Variants in ANKEF1 observed in about 807,000 individuals in gnomAD.
ANKEF1 encodes the protein ankyrin repeat and EF-hand domain containing 1, also known as ankyrin repeat and EF-hand domain-containing protein 1.
In ANKEF1, 43 loss-of-function variants were observed where a neutral mutation model predicts 65.1. That is an observed-to-expected ratio of 0.66 (90% CI 0.52 to 0.85). The LOEUF (loss-of-function observed/expected upper bound fraction) is 0.85, where lower values mean the gene tolerates loss of function less well. Among genes scored for constraint, ANKEF1 ranks in the 40% least tolerant of loss-of-function variants. The probability of loss-of-function intolerance (pLI) is 0.00; values close to 1 mark genes in which losing one functional copy is unlikely to be tolerated. For synonymous variants in ANKEF1, 316 were observed against 341.5 expected (o/e 0.93, Z 0.82); for missense variants, 934 against 952.9 (o/e 0.98, Z 0.26).
chr20:10,055,165 G>T (rs754917619), intron 10 of ANKEF1, among the ~76,000 whole-genome samples: 2 of 152,150 alleles, frequency 1.3e-5, no homozygotes, highest in African/African-American at 4.8e-5. Flanking sequence ...AAACCTAGAT[G>T]ATCTTCTAAT....
At position 10,043,808 on chromosome 20, in the gene ANKEF1, G is replaced by A. The variant is rs1232353184; in HGVS notation, c.546+487G>A. Among the ~76,000 whole-genome samples the A allele has an allele frequency of 4.0e-5, 6 of 151,640 alleles. No homozygotes were observed. In the South Asian group the frequency reaches 6.3e-4, roughly 16 times the overall value. On this transcript the variant is annotated intron_variant, in intron 4 of 10. Coordinates refer to ENST00000378392, the MANE Select transcript of ANKEF1 (RefSeq NM_022096.6). ...CGAGTAGCTGGGATTACAGGTGCAT[G>A]CCACCATGCCCCGCTAATTATTTTT...
At position 10,055,929 on chromosome 20, in the gene ANKEF1, CT is replaced by C; in HGVS notation, c.*270del. On this transcript the variant is annotated 3_prime_UTR_variant, in exon 11 of 11. Coordinates refer to ENST00000378392, the MANE Select transcript of ANKEF1 (RefSeq NM_022096.6). ...CATGGCATGTGGGTTATAAACGTTG[CT>C]GTCAAAAGATTTACCAGGTCTACAC... The C allele has an allele frequency of 2.7e-6, 1 of 368,774 alleles. No individual in the cohort carries two copies. The allele number at this position is 368,774 out of a possible 1,614,324, so 22.8% of individuals were successfully genotyped here.
At chr20:10,043,877 G>T (rs966474866) in intron 4 of ANKEF1, among the ~76,000 whole-genome samples, 2 of 152,002 alleles carry the variant, frequency 1.3e-5, no homozygotes, top group South Asian at 4.2e-4. Context: ...TGGCCAGGCT[G>T]ATTTCGAATT....
chr20:10,045,558 A>C lies in ANKEF1; in HGVS notation c.697-16A>C, dbSNP rs1384077932. 1.2e-6 allele frequency: 2 copies of C among 1,612,018 alleles called. No homozygotes were observed. The highest frequency in any genetic ancestry group is 4.5e-5 in the East Asian group (2 of 44,822). On this transcript the variant is annotated splice_polypyrimidine_tract_variant and intron_variant, in intron 5 of 10. Transcript: ENST00000378392. ...ACATTCCTATTCCTCCACAATATCC[A>C]CTATTTATTTTACAGATATTGAAGC...
intron 3 of ANKEF1, among the ~76,000 whole-genome samples, chr20:10,041,129 A>G (rs1228433261): frequency 6.6e-6 from 1 of 151,710 alleles, no homozygotes; most frequent in African/African-American, 2.4e-5. Context: ...AACATCATTT[A>G]TTTTATATTG....
chr20:10,038,706 T>A, intron 3 of ANKEF1, 59 bp downstream of exon 3: 1 of 1,304,798 alleles, frequency 7.7e-7, no homozygotes. Flanking sequence ...CAGAAAGCAA[T>A]AACATGGACT....
intron 3 of ANKEF1, among the ~76,000 whole-genome samples, chr20:10,041,484 C>G (rs1301566714): frequency 6.6e-6 from 1 of 151,892 alleles, no homozygotes; most frequent in Non-Finnish European, 1.5e-5. Flanking sequence ...TTCCCTTCTA[C>G]CACTCAATTT....
chr20:10,051,627 C>A, intron 7 of ANKEF1, 36 bp from the exon 8 acceptor site: 3 of 1,513,246 alleles, frequency 2.0e-6, no homozygotes, highest in South Asian at 2.3e-5. Context: ...ATTGGAAAAC[C>A]GTATTTTTAG....
chr20:10,054,486 G>C lies in ANKEF1; in HGVS notation c.2059G>C (p.Val687Leu). 1 of 1,596,420 alleles carries C rather than the reference G, an allele frequency of 6.3e-7. No individual in the cohort carries two copies. The highest frequency in any genetic ancestry group is 8.5e-7 in the Non-Finnish European group (1 of 1,173,774). ...EEELLSSIYG[V>L]PTTSEGKKVQ... ...GGAACTGCTGTCATCAATTTATGGT[G>C]TACCAACCACATCAGAGGGAAAGAA... is the stretch of plus-strand genomic sequence containing the variant. The change falls in exon 10 of 11, where the codon GTA becomes CTA. Residue 687 changes from valine (V) to leucine (L), a missense_variant. Coordinates refer to ENST00000378392, the MANE Select transcript of ANKEF1 (RefSeq NM_022096.6).
At chr20:10,043,652 C>CTTTTTTTTTTTTT (rs374135080) in intron 4 of ANKEF1, among the ~76,000 whole-genome samples, 5 of 81,372 alleles carry the variant, frequency 6.1e-5, no homozygotes, top group Non-Finnish European at 8.9e-5. Context: ...TTTTCTTTTC[C>CTTTTTTTTTTTTT]TTTTTTTTTT....
chr20:10,055,738 A>G lies in ANKEF1; in HGVS notation c.*78A>G, dbSNP rs1985114473. 2 of 1,482,248 alleles carry G rather than the reference A, an allele frequency of 1.3e-6. No individual in the cohort carries two copies. Among genetic ancestry groups the G allele is most frequent in the Non-Finnish European group, 1.9e-6 (2 of 1,071,526 alleles). 91.8% of individuals were successfully genotyped at this position (1,482,248 alleles called of 1,614,324 possible). ...TTGGAGAAAGTAGATATTTCCATCA[A>G]AGCCAAAGCAATCCATACACCAAGA... On this transcript the variant is annotated 3_prime_UTR_variant, in exon 11 of 11. Transcript: ENST00000378392.
At position 10,055,782 on chromosome 20, in the gene ANKEF1, C is replaced by G; in HGVS notation, c.*122C>G. The G allele has an allele frequency of 4.1e-6, 4 of 979,196 alleles. No individual in the cohort carries two copies. The highest frequency in any genetic ancestry group is 3.3e-5 in the African/African-American group (2 of 61,382). The allele number at this position is 979,196 out of a possible 1,614,324, so 60.7% of individuals were successfully genotyped here. A position where few individuals can be genotyped will look rare whatever the true frequency, so the allele number is the denominator to read the frequency against. ...ACCAAGAACTTGTTACCAAGAATTT[C>G]TTTTTGCTTTAACAACTATAAATAT... is the stretch of plus-strand genomic sequence containing the variant. On this transcript the variant is annotated 3_prime_UTR_variant, in exon 11 of 11. Coordinates refer to ENST00000378392, the MANE Select transcript of ANKEF1 (RefSeq NM_022096.6).
chr20:10,049,680 A>T lies in ANKEF1; in HGVS notation c.1111A>T (p.Ser371Cys). 6.2e-7 allele frequency: 1 copy of T among 1,614,180 alleles called. No individual in the cohort carries two copies. The highest frequency in any genetic ancestry group is 1.3e-5 in the African/African-American group (1 of 75,046). The change falls in exon 7 of 11, where the codon AGC becomes TGC. Residue 371 changes from serine to cysteine, a missense_variant. Transcript: ENST00000378392. ...GTTGGAGGAAAGGCAGGATTATGCA[A>T]GCTCAGAACAGCTGGCTGCCATCGC... is the stretch of plus-strand genomic sequence containing the variant. ...MVLEERQDYASSEQLAAIAHL... is the reference protein window; with the variant it reads ...MVLEERQDYACSEQLAAIAHL...
At position 10,051,658 on chromosome 20, in the gene ANKEF1, T is replaced by A. The variant is rs1317475297; in HGVS notation, c.1644-5T>A. 2.5e-6 allele frequency: 4 copies of A among 1,605,024 alleles called. No individual in the cohort carries two copies. In the African/African-American group the frequency reaches 5.4e-5, roughly 21 times the overall value. On this transcript the variant is annotated splice_polypyrimidine_tract_variant and splice_region_variant and intron_variant, in intron 7 of 10. Coordinates refer to ENST00000378392, the MANE Select transcript of ANKEF1 (RefSeq NM_022096.6). The stretch of plus-strand genomic sequence containing the variant: ...TTTAGTTTGTTCATCTATCTTATTT[T>A]ACAGAGCTAACGTTAATGCAACAGA...
At chr20:10,046,961 C>A (rs1229884910) in intron 6 of ANKEF1, among the ~76,000 whole-genome samples, 1 of 152,198 alleles carries the variant, frequency 6.6e-6, no homozygotes, top group Non-Finnish European at 1.5e-5. Context: ...AAATGCAATT[C>A]TGGTTCTCTC....
At chr20:10,053,014 T>C in intron 8 of ANKEF1, 98 bp from the exon 9 acceptor site, 1 of 1,249,532 alleles carries the variant, frequency 8.0e-7, no homozygotes, top group African/African-American at 1.5e-5. Context: ...TCACCCTTAT[T>C]AGGGCAGGCT....
chr20:10,046,819 A>C (rs1245921203), intron 6 of ANKEF1, among the ~76,000 whole-genome samples: 1 of 152,226 alleles, frequency 6.6e-6, no homozygotes, highest in African/African-American at 2.4e-5. Context: ...AGTCACTAAA[A>C]TTATAAATAA....
Position 10,055,510 on chromosome 20 carries a change from T to G in ANKEF1, c.2181T>G (p.Ser727Arg). The change falls in exon 11 of 11, where the codon AGT becomes AGG. Residue 727 changes from serine (S) to arginine (R), a missense_variant. Ser to Arg is a moderately radical substitution (Grantham distance 110). Transcript: ENST00000378392. ...CTATTTTTCTTTTTAAGATTTGGAG[T>G]CCTGAAGCCACAACAGCAGAGCTGA... is the stretch of plus-strand genomic sequence containing the variant. ...DITFIPRRIW[S>R]PEATTAELIR... 1 of 1,613,284 alleles carries G rather than the reference T, an allele frequency of 6.2e-7. No individual in the cohort carries two copies. Among genetic ancestry groups the G allele is most frequent in the Non-Finnish European group, 8.5e-7 (1 of 1,179,596 alleles).
At chr20:10,043,652 C>CTTTTTTTTTTTTTTTT (rs374135080) in intron 4 of ANKEF1, among the ~76,000 whole-genome samples, 1 of 81,374 alleles carries the variant, frequency 1.2e-5, no homozygotes, top group African/African-American at 5.1e-5. Flanking sequence ...TTTTCTTTTC[C>CTTTTTTTTTTTTTTTT]TTTTTTTTTT....
Sources: allele counts gnomAD v4.1 joint callset (sites outside exome capture counted in the v4.1 genomes callset), GRCh38; gene constraint gnomAD v4.1.1; transcripts MANE v1.5; gene names NCBI Gene and HGNC (gene_info 2026-07-23, HGNC 2026-07-21).